HTR2C: variants seen among roughly 807,000 people sequenced by gnomAD.
HTR2C encodes 5-hydroxytryptamine receptor 2C.
In HTR2C, 5 loss-of-function variants were observed where a neutral mutation model predicts 21.0. The ratio of observed to expected loss-of-function variants is 0.24; its 90% CI spans 0.12 to 0.50. The LOEUF (loss-of-function observed/expected upper bound fraction) is 0.50. Among genes scored for constraint, HTR2C ranks in the 20% least tolerant of loss-of-function variants. The pLI, the probability that HTR2C is intolerant of heterozygous loss-of-function variation, is 0.98. For missense variants in HTR2C, 271 were observed against 371.2 expected (o/e 0.73, Z 2.22); for synonymous variants, 150 against 145.3 (o/e 1.03, Z -0.23).
In HTR2C at chrX:114,907,468, T is replaced by C; in HGVS notation, c.*53T>C. The C allele has an allele frequency of 1.1e-6, 1 of 947,874 alleles. No individual in the cohort carries two copies. The highest frequency in any genetic ancestry group is 1.5e-6 in the Non-Finnish European group (1 of 678,196). The allele number at this position is 947,874 out of a possible 1,213,427, so 78.1% of individuals were successfully genotyped here. On this transcript the variant is annotated 3_prime_UTR_variant, in exon 6 of 6. Transcript: ENST00000276198. ...GTACAAGCTACATATGTAGGAAAATTTTCTTCTTTAATTTTTCTGTTGGTC... is the reference window on the plus strand; with the variant it reads ...GTACAAGCTACATATGTAGGAAAATCTTCTTCTTTAATTTTTCTGTTGGTC...
intron 4 of HTR2C, among the ~76,000 whole-genome samples, chrX:114,787,659 C>G (rs782339844): frequency 4.0e-4 from 45 of 111,848 alleles, no homozygotes; most frequent in Middle Eastern, 9.4e-3. Flanking sequence ...TAGAAGTCTT[C>G]AAAATAGGCC....
At chrX:114,894,197 A>C (rs781993473) in intron 5 of HTR2C, among the ~76,000 whole-genome samples, 122 of 112,022 alleles carry the variant, frequency 1.1e-3, no homozygotes, top group African/African-American at 3.5e-3. Flanking sequence ...TCTACACACA[A>C]AAAAAATCTT....
At chrX:114,701,461 T>C (rs2147309071) in intron 2 of HTR2C, among the ~76,000 whole-genome samples, 1 of 111,450 alleles carries the variant, frequency 9.0e-6, no homozygotes, top group Admixed American at 9.5e-5. Context: ...GGGTCTGGAG[T>C]GGACCTCCAG....
intron 2 of HTR2C, among the ~76,000 whole-genome samples, chrX:114,652,247 A>C (rs1411894138): frequency 8.9e-6 from 1 of 111,752 alleles, no homozygotes; most frequent in Non-Finnish European, 1.9e-5. Flanking sequence ...ATCTCTGCAT[A>C]TAATTCCAAG....
At chrX:114,906,319 C>T (rs111645026) in intron 5 of HTR2C, among the ~76,000 whole-genome samples, 7 of 111,561 alleles carry the variant, frequency 6.3e-5, no homozygotes, top group African/African-American at 2.3e-4. Context: ...TTGACACAAC[C>T]GTGTCTCTAA....
chrX:114,804,911 T>C (rs2070386820), intron 4 of HTR2C, among the ~76,000 whole-genome samples: 1 of 112,032 alleles, frequency 8.9e-6, no homozygotes, highest in African/African-American at 3.2e-5. Context: ...ACAGGCTTTT[T>C]CCAGACTTTC....
intron 1 of HTR2C, among the ~76,000 whole-genome samples, chrX:114,611,856 C>G (rs1234561720): frequency 1.8e-5 from 2 of 110,767 alleles, no homozygotes; most frequent in Non-Finnish European, 3.8e-5. Context: ...CGCCACCACG[C>G]CCGGCTATTT....
chrX:114,849,792 A>G (rs2070901693), intron 5 of HTR2C, among the ~76,000 whole-genome samples: 1 of 112,193 alleles, frequency 8.9e-6, no homozygotes, highest in South Asian at 3.6e-4. Flanking sequence ...TGGGGCATAA[A>G]CAAACAAAAA....
intron 5 of HTR2C, among the ~76,000 whole-genome samples, chrX:114,888,113 G>A (rs2071234131): frequency 1.8e-5 from 2 of 111,874 alleles, no homozygotes; most frequent in South Asian, 7.3e-4. Context: ...TTTTCTCCAT[G>A]TATTTGGCTT....
At chrX:114,800,188 C>T (rs1485298309) in intron 4 of HTR2C, among the ~76,000 whole-genome samples, 1 of 110,759 alleles carries the variant, frequency 9.0e-6, no homozygotes, top group Non-Finnish European at 1.9e-5. Context: ...TCAGAGGAAG[C>T]TGGAAAAGGT....
In HTR2C at chrX:114,698,036, C is replaced by A. The variant is rs952349975; in HGVS notation, c.-79-28822C>A. The stretch of plus-strand genomic sequence containing the variant: ...TCTTTAGGGTTGTAGGACTGAGGTC[C>A]CTGCTTCCTTGCTGGCTATCAGCCA... On this transcript the variant is annotated intron_variant, in intron 2 of 5. Coordinates refer to ENST00000276198, the MANE Select transcript of HTR2C (RefSeq NM_000868.4). Among the ~76,000 whole-genome samples, 4 of 111,766 alleles carry A rather than the reference C, an allele frequency of 3.6e-5. No homozygotes were observed. The East Asian group carries it at 1.1e-3, about 32-fold the overall frequency.
intron 2 of HTR2C, among the ~76,000 whole-genome samples, chrX:114,724,266 A>G (rs782793538): frequency 1.0e-5 from 1 of 95,677 alleles, no homozygotes; most frequent in Non-Finnish European, 2.1e-5. Context: ...TTTACCATTA[A>G]GTAATGGCCT....
chrX:114,810,997 C>G (rs1031168454), intron 4 of HTR2C, among the ~76,000 whole-genome samples: 5 of 111,441 alleles, frequency 4.5e-5, no homozygotes, highest in Admixed American at 2.9e-4. Context: ...CATAAATGTA[C>G]ACCAATAAAA....
intron 5 of HTR2C, among the ~76,000 whole-genome samples, chrX:114,894,454 C>T (rs182740720): frequency 3.6e-4 from 40 of 110,015 alleles, no homozygotes; most frequent in African/African-American, 1.2e-3. Flanking sequence ...AACAGGTAAA[C>T]CTATACTGAT....
chrX:114,849,569 T>A (rs1463702556), intron 5 of HTR2C, among the ~76,000 whole-genome samples: 3 of 111,935 alleles, frequency 2.7e-5, no homozygotes, highest in Non-Finnish European at 5.6e-5. Flanking sequence ...AATGGAGGAC[T>A]AGAGTAGGAA....
intron 2 of HTR2C, among the ~76,000 whole-genome samples, chrX:114,676,278 A>G (rs1190743232): frequency 1.2e-4 from 13 of 112,190 alleles, no homozygotes; most frequent in African/African-American, 4.2e-4. Context: ...ATGCATATAG[A>G]AAAAAACCAC....
chrX:114,857,551 T>A (rs1466245357), intron 5 of HTR2C, among the ~76,000 whole-genome samples: 1 of 111,531 alleles, frequency 9.0e-6, no homozygotes, highest in African/African-American at 3.3e-5. Context: ...TCCTCTTTTG[T>A]GATGAATTTT....
chrX:114,599,718 T>C (rs1928008130), intron 1 of HTR2C, among the ~76,000 whole-genome samples: 2 of 112,393 alleles, frequency 1.8e-5, no homozygotes, highest in Admixed American at 9.5e-5. Flanking sequence ...GTGCCTTGCA[T>C]ATATTGTATT....
intron 2 of HTR2C, among the ~76,000 whole-genome samples, chrX:114,695,160 A>G (rs1932240524): frequency 8.9e-6 from 1 of 112,438 alleles, no homozygotes; most frequent in Non-Finnish European, 1.9e-5. Context: ...AAGAACAATA[A>G]GTATTATTTG....
Sources: allele counts gnomAD v4.1 joint callset (sites outside exome capture counted in the v4.1 genomes callset), GRCh38; gene constraint gnomAD v4.1.1; transcripts MANE v1.5; gene names NCBI Gene and HGNC (gene_info 2026-07-23, HGNC 2026-07-21).